KYNU: variants seen among roughly 807,000 people sequenced by gnomAD.
The protein encoded by KYNU is kynureninase.
Under a neutral mutation model 59.2 loss-of-function variants are expected in KYNU, and 54 were observed. The ratio of observed to expected loss-of-function variants is 0.91; its 90% confidence interval spans 0.73 to 1.14. The LOEUF (loss-of-function observed/expected upper bound fraction) is 1.14. Among genes scored for constraint, KYNU ranks in the 50% most tolerant of loss-of-function variants. The pLI, the probability that KYNU is intolerant of heterozygous loss-of-function variation, is 0.00. For synonymous variants in KYNU, 177 were observed against 192.0 expected (o/e 0.92, Z 0.65); for missense variants, 567 against 554.4 (o/e 1.02, Z -0.23).
intron 4 of KYNU, among the ~76,000 whole-genome samples, chr2:142,930,373 C>A (rs1050810270): frequency 6.6e-6 from 1 of 152,138 alleles, no homozygotes; most frequent in Admixed American, 6.5e-5. Context: ...CTCCCACACC[C>A]CATTTCAGGA....
chr2:143,043,751 A>G lies in KYNU; in HGVS notation c.*1579A>G, dbSNP rs1025380763. The G allele has an allele frequency of 7.0e-6, 1 of 142,768 alleles. No individual in the cohort carries two copies. The highest frequency in any genetic ancestry group is 2.1e-4 in the East Asian group (1 of 4,824). The allele number at this position is 142,768 out of a possible 1,614,324, so 8.8% of individuals were successfully genotyped here. ...AAATATATATAAATATATATACTTT[A>G]TATATATTTATATTTATATATTTAT... On this transcript the variant is annotated 3_prime_UTR_variant, in exon 14 of 14. Coordinates refer to ENST00000264170, the MANE Select transcript of KYNU (RefSeq NM_003937.3).
chr2:143,017,946 T>C (rs1295901733), intron 10 of KYNU, among the ~76,000 whole-genome samples: 1 of 150,558 alleles, frequency 6.6e-6, no homozygotes, highest in Non-Finnish European at 1.5e-5. Flanking sequence ...AGTTCATTTC[T>C]TTTGAGAAGC....
chr2:143,005,377 C>T (rs1685840635), intron 10 of KYNU, among the ~76,000 whole-genome samples: 1 of 152,130 alleles, frequency 6.6e-6, no homozygotes, highest in African/African-American at 2.4e-5. Context: ...AGGACCTAGG[C>T]ATGCAAAGAG....
At chr2:142,918,429 A>C (rs548515720) in intron 2 of KYNU, among the ~76,000 whole-genome samples, 180 bp from the exon 3 acceptor site, 6 of 152,186 alleles carry the variant, frequency 3.9e-5, no homozygotes, top group Non-Finnish European at 8.8e-5. Context: ...ATTATATTTT[A>C]AATGTAAATG....
In KYNU at chr2:142,927,643, C is replaced by T. The variant is rs770814514; in HGVS notation, c.291-16C>T. The stretch of plus-strand genomic sequence containing the variant: ...CATAAAAGCTAAGATATGTTTATGT[C>T]CGTTTTCAATTTCAGAGCAGCCTAT... On this transcript the variant is annotated splice_polypyrimidine_tract_variant and intron_variant, in intron 3 of 13. Coordinates refer to ENST00000264170, the MANE Select transcript of KYNU (RefSeq NM_003937.3). 7 of 1,592,290 alleles carry T rather than the reference C, an allele frequency of 4.4e-6. No homozygotes were observed. In the South Asian group the frequency reaches 7.7e-5, roughly 18 times the overall value.
intron 10 of KYNU, among the ~76,000 whole-genome samples, chr2:142,987,660 CCCTACT>C (rs575669926): frequency 4.0e-4 from 61 of 151,894 alleles, no homozygotes; most frequent in African/African-American, 1.3e-3. Context: ...TAGTACCAGC[CCCTACT>C]CATAAGCAGT....
chr2:142,942,487 T>G (rs9917291), intron 4 of KYNU, among the ~76,000 whole-genome samples: 28,487 of 152,178 alleles, frequency 0.19, 3,631 homozygotes, highest in African/African-American at 0.35. Context: ...TAAAATAATT[T>G]TGTAGTAACT....
chr2:142,984,877 G>A (rs755681163), intron 8 of KYNU, among the ~76,000 whole-genome samples: 1 of 152,018 alleles, frequency 6.6e-6, no homozygotes, highest in Non-Finnish European at 1.5e-5. Context: ...GGCAAAGAAT[G>A]TCTTAGCATG....
At chr2:142,925,899 C>G (rs1314930517) in intron 3 of KYNU, among the ~76,000 whole-genome samples, 1 of 152,140 alleles carries the variant, frequency 6.6e-6, no homozygotes, top group Non-Finnish European at 1.5e-5. Flanking sequence ...AGATGACAAA[C>G]TTTTGGATTC....
At chr2:142,962,348 G>A (rs1276564511) in intron 8 of KYNU, among the ~76,000 whole-genome samples, 2 of 152,156 alleles carry the variant, frequency 1.3e-5, no homozygotes, top group African/African-American at 2.4e-5. Flanking sequence ...TAACATAACA[G>A]CACCCACCTT....
chr2:142,978,626 A>C (rs1684957160), intron 8 of KYNU, among the ~76,000 whole-genome samples: 1 of 152,200 alleles, frequency 6.6e-6, no homozygotes, highest in Admixed American at 6.5e-5. Flanking sequence ...TGATATTCGC[A>C]GACACCTCTC....
At chr2:142,889,457 T>G (rs1250066758) in intron 2 of KYNU, among the ~76,000 whole-genome samples, 1 of 152,176 alleles carries the variant, frequency 6.6e-6, no homozygotes, top group Non-Finnish European at 1.5e-5. Flanking sequence ...TTCTAGGTTT[T>G]AAGGCTTGCT....
intron 10 of KYNU, among the ~76,000 whole-genome samples, chr2:142,988,114 G>A (rs1048114154): frequency 6.6e-6 from 1 of 151,448 alleles, no homozygotes; most frequent in African/African-American, 2.4e-5. Flanking sequence ...GACTAATACA[G>A]CATTATATGT....
At chr2:143,041,350 A>G (rs370580750) in intron 13 of KYNU, among the ~76,000 whole-genome samples, 40 of 152,154 alleles carry the variant, frequency 2.6e-4, no homozygotes, top group South Asian at 2.3e-3. Context: ...CAGAAATTCA[A>G]GTTTCTAAAT....
chr2:143,028,243 C>CTTTTTTTTTTTTTT (rs754504556), intron 10 of KYNU, among the ~76,000 whole-genome samples: 2 of 90,430 alleles, frequency 2.2e-5, no homozygotes, highest in Non-Finnish European at 4.1e-5. Flanking sequence ...ATTTTACATT[C>CTTTTTTTTTTTTTT]TTTTTTTTTT....
rs1296112689 is a variant in KYNU, at chr2:143,040,506, C to T, written c.1120C>T (p.His374Tyr). 1.9e-6 allele frequency: 3 copies of T among 1,613,124 alleles called. No homozygotes were observed. Among genetic ancestry groups the T allele is most frequent in the Non-Finnish European group, 2.5e-6 (3 of 1,179,512 alleles). ...LTGYLEYLIK[H>Y]NYGKDKAATK... ...TGGCTATCTGGAATACCTGATCAAG[C>T]ATAACTATGGCAAAGATAAAGCAGC... Residue 374 changes from histidine to tyrosine, a missense_variant, in exon 13 of 14, where the codon CAT becomes TAT. His to Tyr is a moderately conservative substitution (Grantham distance 83). Coordinates refer to ENST00000264170, the MANE Select transcript of KYNU (RefSeq NM_003937.3).
chr2:142,886,952 C>T (rs1030919872), intron 2 of KYNU, among the ~76,000 whole-genome samples: 1 of 152,088 alleles, frequency 6.6e-6, no homozygotes, highest in East Asian at 1.9e-4. Flanking sequence ...GGGCGGGTCA[C>T]GAGGTCAGGA....
intron 10 of KYNU, among the ~76,000 whole-genome samples, chr2:143,006,394 C>T (rs540378135): frequency 3.9e-5 from 6 of 151,936 alleles, no homozygotes; most frequent in East Asian, 1.9e-4. Context: ...ACACCTGGCT[C>T]GGAGGGTCCT....
Position 142,960,639 on chromosome 2 carries a change from A to G in KYNU, c.598A>G (p.Arg200Gly). 1 of 1,613,806 alleles carries G rather than the reference A, an allele frequency of 6.2e-7. No individual in the cohort carries two copies. Among genetic ancestry groups the G allele is most frequent in the Non-Finnish European group, 8.5e-7 (1 of 1,179,774 alleles). The change falls in exon 8 of 14, where the codon AGA becomes GGA. Residue 200 changes from arginine (R) to glycine (G), a missense_variant. Physicochemically the swap from Arg to Gly is moderately radical, Grantham distance 125. Coordinates refer to ENST00000264170, the MANE Select transcript of KYNU (RefSeq NM_003937.3). ...CTTGATTTAGGGGGAAGAAACCTTA[A>G]GAATAGAGGATATCCTTGAAGTAAT... ...IKPREGEETL[R>G]IEDILEVIEK...
Sources: allele counts gnomAD v4.1 joint callset (sites outside exome capture counted in the v4.1 genomes callset), GRCh38; gene constraint gnomAD v4.1.1; transcripts MANE v1.5; gene names NCBI Gene and HGNC (gene_info 2026-07-23, HGNC 2026-07-21).